FER1L6: variants seen among roughly 807,000 people sequenced by gnomAD.
FER1L6 encodes the protein fer-1 like family member 6, also known as fer-1-like protein 6.
Under a neutral mutation model 219.2 loss-of-function variants are expected in FER1L6, and 177 were observed. That is an observed-to-expected ratio of 0.81 (90% CI 0.71 to 0.91). FER1L6 has a LOEUF of 0.91. FER1L6 is among the 40% of genes least tolerant of loss of function. The pLI is 0.00. For synonymous variants in FER1L6, 768 were observed against 824.3 expected (o/e 0.93, Z 1.17); for missense variants, 2,153 against 2,259.9 (o/e 0.95, Z 0.96).
chr8:123,947,507 T>C (rs1036739357), intron 1 of FER1L6, among the ~76,000 whole-genome samples: 4 of 152,204 alleles, frequency 2.6e-5, no homozygotes, highest in Admixed American at 6.5e-5. Flanking sequence ...GTTATATGAT[T>C]CATTTTTAAA....
chr8:124,079,244 T>C (rs572715481), intron 32 of FER1L6, among the ~76,000 whole-genome samples: 3 of 152,320 alleles, frequency 2.0e-5, no homozygotes, highest in South Asian at 4.1e-4. Flanking sequence ...AGACCTCACT[T>C]CCAAATATGG....
chr8:124,118,898 C>A lies in FER1L6; in HGVS notation c.5344C>A (p.Pro1782Thr). The A allele has an allele frequency of 6.2e-7, 1 of 1,614,008 alleles. No homozygotes were observed. Among genetic ancestry groups the A allele is most frequent in the South Asian group, 1.1e-5 (1 of 91,080 alleles). ...TACAGCAGAAGAAGCTGAGAAAAAT[C>A]CTGTTGGAAAAGCCCGAAAGGAGCC... is the stretch of plus-strand genomic sequence containing the variant. ...LVTAEEAEKN[P>T]VGKARKEPEP... The change falls in exon 40 of 41, where the codon CCT becomes ACT. Residue 1782 changes from proline (P) to threonine (T), a missense_variant. Physicochemically the swap from Pro to Thr is conservative, Grantham distance 38. Coordinates refer to ENST00000522917, the MANE Select transcript of FER1L6 (RefSeq NM_001039112.2).
chr8:124,084,404 T>C (rs1445849616), intron 33 of FER1L6, among the ~76,000 whole-genome samples: 1 of 152,152 alleles, frequency 6.6e-6, no homozygotes, highest in Non-Finnish European at 1.5e-5. Flanking sequence ...CTGTTGTGTA[T>C]GTTTTTTATT....
chr8:124,055,840 G>T (rs1026764250), intron 22 of FER1L6, among the ~76,000 whole-genome samples: 1 of 152,176 alleles, frequency 6.6e-6, no homozygotes, highest in Non-Finnish European at 1.5e-5. Context: ...TCCTTCTGGA[G>T]GCTCTAGGGG....
intron 1 of FER1L6, among the ~76,000 whole-genome samples, chr8:123,857,773 C>T (rs1816674083): frequency 2.0e-5 from 3 of 152,268 alleles, no homozygotes; most frequent in East Asian, 1.9e-4. Flanking sequence ...TGGAGGCCAC[C>T]GCCCTTCCAC....
At position 124,013,524 on chromosome 8, in the gene FER1L6, C is replaced by A. The variant is rs761199319; in HGVS notation, c.1915C>A (p.Arg639=). ...MKTVLSDFIS[R]SSAFISEAEK... is the part of the protein sequence containing the mutation. ...AACAGTGCTCAGTGACTTCATCAGT[C>A]GGAGCAGGTACCGGGAGAGACAGCC... is the stretch of plus-strand genomic sequence containing the variant. Residue 639 remains arginine (R), a synonymous_variant, in exon 15 of 41, where the codon CGG becomes AGG. Coordinates refer to ENST00000522917, the MANE Select transcript of FER1L6 (RefSeq NM_001039112.2). The A allele has an allele frequency of 1.2e-6, 2 of 1,602,206 alleles. No homozygotes were observed. The highest frequency in any genetic ancestry group is 1.1e-5 in the South Asian group (1 of 88,650).
intron 6 of FER1L6, among the ~76,000 whole-genome samples, chr8:123,970,373 T>C (rs563242941): frequency 6.6e-6 from 1 of 152,342 alleles, no homozygotes; most frequent in South Asian, 2.1e-4. Context: ...AGTGTGGGAA[T>C]GTGAGACACG....
At position 124,049,616 on chromosome 8, in the gene FER1L6, G is replaced by A. The variant is rs1563765901; in HGVS notation, c.2734G>A (p.Glu912Lys). The change falls in exon 22 of 41, where the codon GAA becomes AAA. Residue 912 changes from glutamate (E) to lysine (K), a missense_variant. Physicochemically the swap from Glu to Lys is moderately conservative, Grantham distance 56. Coordinates refer to ENST00000522917, the MANE Select transcript of FER1L6 (RefSeq NM_001039112.2). ...LYDSDAVGKPEYLGATVAAPV... is the reference protein window; with the variant it reads ...LYDSDAVGKPKYLGATVAAPV... The stretch of plus-strand genomic sequence containing the variant: ...TTCTTTTCTTCTTTAGGGGAAGCCA[G>A]AATATTTGGGTGCCACAGTGGCTGC... 1 of 1,613,888 alleles carries A rather than the reference G, an allele frequency of 6.2e-7. No individual in the cohort carries two copies. The highest frequency in any genetic ancestry group is 1.1e-5 in the South Asian group (1 of 91,062).
chr8:123,879,568 G>A (rs1390314284), intron 1 of FER1L6, among the ~76,000 whole-genome samples: 3 of 152,098 alleles, frequency 2.0e-5, no homozygotes, highest in African/African-American at 4.8e-5. Flanking sequence ...CTCGTGATCC[G>A]CCCTTCTTGG....
chr8:123,987,953 C>T (rs1816674552), intron 12 of FER1L6, among the ~76,000 whole-genome samples: 1 of 152,040 alleles, frequency 6.6e-6, no homozygotes, highest in South Asian at 2.1e-4. Flanking sequence ...CAAAAATTAG[C>T]CGGGCATGGT....
chr8:123,896,794 T>C (rs1812749321), intron 1 of FER1L6, among the ~76,000 whole-genome samples: 1 of 152,192 alleles, frequency 6.6e-6, no homozygotes, highest in Admixed American at 6.5e-5. Flanking sequence ...ATCTATATGC[T>C]GATAACTCAC....
chr8:123,949,915 A>T (rs1334620885), intron 1 of FER1L6, among the ~76,000 whole-genome samples: 1 of 152,228 alleles, frequency 6.6e-6, no homozygotes, highest in Non-Finnish European at 1.5e-5. Flanking sequence ...AGCCTAAAAA[A>T]GATAGGAGTT....
chr8:124,060,361 G>C, intron 23 of FER1L6, 71 bp downstream of exon 23: 2 of 1,498,370 alleles, frequency 1.3e-6, no homozygotes, highest in East Asian at 2.3e-5. Flanking sequence ...AATTGTAGGA[G>C]AGGTGATATG....
At chr8:124,092,341 T>C (rs1822071601) in intron 34 of FER1L6, among the ~76,000 whole-genome samples, 1 of 152,212 alleles carries the variant, frequency 6.6e-6, no homozygotes, top group African/African-American at 2.4e-5. Flanking sequence ...GATATTTCTA[T>C]AGTACAGGTC....
chr8:123,936,764 G>A (rs1047089434), intron 1 of FER1L6, among the ~76,000 whole-genome samples: 3 of 151,994 alleles, frequency 2.0e-5, no homozygotes, highest in Admixed American at 6.5e-5. Flanking sequence ...AGCAGTTCTC[G>A]AGGGAGCCAC....
chr8:123,963,522 G>T (rs1002075837), intron 3 of FER1L6, 124 bp downstream of exon 3: 2 of 1,068,734 alleles, frequency 1.9e-6, no homozygotes, highest in Non-Finnish European at 2.7e-6. Context: ...GGCAGGCAAG[G>T]TCTAAGGCAG....
chr8:123,869,430 G>C (rs1183986409), intron 1 of FER1L6, among the ~76,000 whole-genome samples: 10 of 152,130 alleles, frequency 6.6e-5, no homozygotes, highest in Admixed American at 6.6e-4. Context: ...AAATACGTCT[G>C]AAGCTGAGCT....
rs184458765 is a variant in FER1L6 at position 124,111,254 on chromosome 8, T to C, written c.5290-7590T>C. ...AACTAAGCCTCTCATTTTTAATTTTTATTTGTTGCCCTTACACCTCCTAAA... is the reference window on the plus strand; with the variant it reads ...AACTAAGCCTCTCATTTTTAATTTTCATTTGTTGCCCTTACACCTCCTAAA... On this transcript the variant is annotated intron_variant, in intron 39 of 40. Coordinates refer to ENST00000522917, the MANE Select transcript of FER1L6 (RefSeq NM_001039112.2). The surrounding 1 kb of genome is among the most constrained non-coding windows in gnomAD (Gnocchi z 5.0). Among the ~76,000 whole-genome samples, 124 of 152,332 alleles carry C rather than the reference T, an allele frequency of 8.1e-4. No individual in the cohort carries two copies. Among genetic ancestry groups the C allele is most frequent in the African/African-American group, 2.8e-3 (115 of 41,578 alleles).
rs1487932032 is a variant in FER1L6, at chr8:123,898,832, T to TACATAC, written c.-8+46648_-8+46649insCATACA. Among the ~76,000 whole-genome samples, 33 of 133,748 alleles carry TACATAC rather than the reference T, an allele frequency of 2.5e-4. 1 individual carries two copies. Among genetic ancestry groups the TACATAC allele is most frequent in the Admixed American group, 4.7e-4 (6 of 12,818 alleles). The allele number at this position is 133,748 out of a possible 152,430, so 87.7% of individuals were successfully genotyped here. The stretch of plus-strand genomic sequence containing the variant: ...ATATATATACATATGTGTATATATA[T>TACATAC]ATATACATACATATATACACACACA... On this transcript the variant is annotated intron_variant, in intron 1 of 40. Coordinates refer to ENST00000522917, the MANE Select transcript of FER1L6 (RefSeq NM_001039112.2).
Sources: gnomAD v4.1 joint callset for allele counts (sites outside exome capture counted in the v4.1 genomes callset) on GRCh38, gnomAD v4.1.1 for gene constraint, Gnocchi (gnomAD v3.1) non-coding constraint, MANE v1.5 for transcripts, NCBI Gene and HGNC (gene_info 2026-07-23, HGNC 2026-07-21) for gene names.